Variants in PTPRD observed in about 807,000 individuals in gnomAD.
PTPRD encodes the protein protein tyrosine phosphatase receptor type D, also known as receptor-type tyrosine-protein phosphatase delta.
In PTPRD, 34 loss-of-function variants were observed where a neutral mutation model predicts 214.5. The observed-to-expected ratio is 0.16, with a 90% confidence interval of 0.12 to 0.21. The LOEUF is 0.21. Ranked by LOEUF, PTPRD falls within the 10% of genes least tolerant of loss-of-function variation. The pLI is 1.00. For missense variants in PTPRD, 2,545 were observed against 2,398.7 expected, an observed-to-expected ratio of 1.06 and a Z score of -1.27; for synonymous variants, 1,128 against 845.7, an observed-to-expected ratio of 1.33 and a Z score of -5.79.
At chr9:10,200,948 A>T (rs1483270977) in intron 3 of PTPRD, among the ~76,000 whole-genome samples, 2 of 152,086 alleles carry the variant, frequency 1.3e-5, no homozygotes, top group Non-Finnish European at 2.9e-5. Flanking sequence ...ATCATGAGTC[A>T]TTGGCACCTA....
intron 10 of PTPRD, among the ~76,000 whole-genome samples, chr9:9,064,617 C>T (rs1312069962): frequency 6.6e-6 from 1 of 152,174 alleles, no homozygotes; most frequent in Admixed American, 6.5e-5. Flanking sequence ...TGTCCCACAC[C>T]AAATACATTT....
At chr9:8,572,764 C>A (rs2091492738) in intron 14 of PTPRD, among the ~76,000 whole-genome samples, 1 of 151,840 alleles carries the variant, frequency 6.6e-6, no homozygotes. Context: ...AGCACATTTC[C>A]ACTACCTAAC....
intron 2 of PTPRD, among the ~76,000 whole-genome samples, chr9:10,362,947 A>C (rs1181885246): frequency 6.6e-6 from 1 of 152,152 alleles, no homozygotes; most frequent in African/African-American, 2.4e-5. Context: ...TAGAACCCAG[A>C]ACAATGACTA....
chr9:9,192,933 C>G (rs1338832043), intron 9 of PTPRD, among the ~76,000 whole-genome samples: 1 of 152,086 alleles, frequency 6.6e-6, no homozygotes, highest in Non-Finnish European at 1.5e-5. Flanking sequence ...GTCCCCTCCC[C>G]TCCACCCTGC....
intron 2 of PTPRD, among the ~76,000 whole-genome samples, chr9:10,458,517 A>G (rs1196751260): frequency 6.6e-6 from 1 of 152,170 alleles, no homozygotes; most frequent in African/African-American, 2.4e-5. Context: ...GCCTCTCAAC[A>G]GTTTAGACAT....
At chr9:9,215,956 C>G (rs1286651249) in intron 9 of PTPRD, among the ~76,000 whole-genome samples, 1 of 152,096 alleles carries the variant, frequency 6.6e-6, no homozygotes, top group Non-Finnish European at 1.5e-5. Flanking sequence ...TACCATAAAC[C>G]ATTTTGTGAC....
chr9:9,875,201 T>C (rs766863789), intron 5 of PTPRD, among the ~76,000 whole-genome samples: 7 of 152,122 alleles, frequency 4.6e-5, no homozygotes, highest in Non-Finnish European at 7.4e-5. Flanking sequence ...GGGCCCTAGA[T>C]AATTTCTTAA....
intron 2 of PTPRD, among the ~76,000 whole-genome samples, chr9:10,432,066 A>G (rs1267040502): frequency 2.6e-5 from 4 of 152,054 alleles, no homozygotes; most frequent in Non-Finnish European, 5.9e-5. Context: ...CTGGATTAAG[A>G]AAATGTGGCA....
chr9:10,275,144 G>C (rs1000301199), intron 3 of PTPRD, among the ~76,000 whole-genome samples: 3 of 152,162 alleles, frequency 2.0e-5, no homozygotes, highest in African/African-American at 4.8e-5. Flanking sequence ...CTGTATTACA[G>C]TGATTATAGA....
intron 14 of PTPRD, among the ~76,000 whole-genome samples, chr9:8,611,224 G>C (rs2095433577): frequency 6.6e-6 from 1 of 152,132 alleles, no homozygotes; most frequent in South Asian, 2.1e-4. Context: ...TGTTAAACAA[G>C]AATATCAAAG....
In PTPRD at chr9:9,609,365, T is replaced by TA. The variant is rs562816540; in HGVS notation, c.-286-34585dup. Among the ~76,000 whole-genome samples the TA allele has an allele frequency of 2.3e-4, 35 of 152,110 alleles. No homozygotes were observed. In the South Asian group the frequency reaches 7.1e-3, roughly 31 times the overall value. On this transcript the variant is annotated intron_variant, in intron 7 of 45. Coordinates refer to ENST00000381196, the MANE Select transcript of PTPRD (RefSeq NM_002839.4). Reference sequence around the variant, plus strand: ...TCTTTAAACATTTCCCATGCTACCTTAAAAAAACAAAAACAAAACAAAAAA... The same window carrying TA: ...TCTTTAAACATTTCCCATGCTACCTTAAAAAAAACAAAAACAAAACAAAAAA...
chr9:8,901,900 A>G (rs2098671814), intron 11 of PTPRD, among the ~76,000 whole-genome samples: 2 of 152,338 alleles, frequency 1.3e-5, no homozygotes, highest in South Asian at 4.1e-4. Flanking sequence ...AGACACAGGC[A>G]TAGGAACAAG....
chr9:10,561,659 A>C (rs1276305203), intron 2 of PTPRD, among the ~76,000 whole-genome samples: 2 of 152,126 alleles, frequency 1.3e-5, no homozygotes, highest in African/African-American at 4.8e-5. Context: ...AGAGAAGGAA[A>C]ATGTCTTCAT....
intron 9 of PTPRD, among the ~76,000 whole-genome samples, chr9:9,216,225 C>T (rs1394463035): frequency 6.6e-6 from 1 of 152,092 alleles, no homozygotes; most frequent in Admixed American, 6.6e-5. Flanking sequence ...ACATTTTACT[C>T]AGTACTGTAC....
At chr9:9,424,322 T>C (rs1476232575) in intron 8 of PTPRD, among the ~76,000 whole-genome samples, 2 of 152,196 alleles carry the variant, frequency 1.3e-5, no homozygotes, top group Non-Finnish European at 2.9e-5. Flanking sequence ...CTAAGACAGT[T>C]GGTGCTGGTA....
intron 11 of PTPRD, among the ~76,000 whole-genome samples, chr9:8,850,501 C>G (rs1387149783): frequency 3.3e-5 from 5 of 152,044 alleles, no homozygotes; most frequent in Admixed American, 3.3e-4. Flanking sequence ...ATGGAAGATG[C>G]TTCCAATATT....
chr9:8,372,375 T>C (rs976026960), intron 39 of PTPRD, among the ~76,000 whole-genome samples: 3 of 152,194 alleles, frequency 2.0e-5, no homozygotes, highest in African/African-American at 7.2e-5. Flanking sequence ...CTATATGCCA[T>C]GCACTGTCTC....
At chr9:9,587,058 T>A (rs1338965615) in intron 7 of PTPRD, among the ~76,000 whole-genome samples, 1 of 151,896 alleles carries the variant, frequency 6.6e-6, no homozygotes, top group Non-Finnish European at 1.5e-5. Flanking sequence ...AATGTATGTG[T>A]ATATAGGTAA....
chr9:8,463,581 T>C (rs1345471399), intron 32 of PTPRD, among the ~76,000 whole-genome samples: 3 of 151,800 alleles, frequency 2.0e-5, no homozygotes, highest in Admixed American at 6.6e-5. Flanking sequence ...CCAAAGAACA[T>C]AGATTTCCAA....
Sources: allele counts gnomAD v4.1 joint callset (sites outside exome capture counted in the v4.1 genomes callset), GRCh38; gene constraint gnomAD v4.1.1; transcripts MANE v1.5; gene names NCBI Gene and HGNC (gene_info 2026-07-23, HGNC 2026-07-21).